The following ANO4 variants were observed in gnomAD, a reference collection of about 807,000 sequenced individuals.
The protein encoded by ANO4 is anoctamin-4.
ANO4 carries 69 observed loss-of-function variants against 141.9 expected under a neutral mutation model. That is an observed-to-expected ratio of 0.49 (90% CI 0.40 to 0.59). The LOEUF (loss-of-function observed/expected upper bound fraction) is 0.59. Ranked by LOEUF, ANO4 falls within the 20% of genes least tolerant of loss-of-function variation. The pLI is 0.00. For missense variants in ANO4, 894 were observed against 1,162.2 expected (o/e 0.77, Z 3.36); for synonymous variants, 350 against 394.3 (o/e 0.89, Z 1.33).
intron 10 of ANO4, chr12:101,038,630 G>A (rs1259697079): frequency 2.0e-5 from 3 of 152,218 alleles, no homozygotes; most frequent in Non-Finnish European, 4.4e-5. Context: ...CAAAAAGGCA[G>A]AAGGTCAGAT....
chr12:100,764,619 A>G (rs574027184), intron 3 of ANO4, among the ~76,000 whole-genome samples: 55 of 152,338 alleles, frequency 3.6e-4, no homozygotes, highest in African/African-American at 1.3e-3. Context: ...TGCATTCTCC[A>G]ATAAGAGTGT....
chr12:101,037,030 T>A, intron 9 of ANO4, 65 bp from the exon 10 acceptor site: 3 of 1,496,568 alleles, frequency 2.0e-6, no homozygotes, highest in Non-Finnish European at 2.8e-6. Flanking sequence ...ACACTTATAT[T>A]TGTTTTGAAC....
At chr12:100,807,825 A>G (rs1222574473) in intron 1 of ANO4, among the ~76,000 whole-genome samples, 1 of 152,092 alleles carries the variant, frequency 6.6e-6, no homozygotes, top group Non-Finnish European at 1.5e-5. Flanking sequence ...CTGTTCCTGC[A>G]TTAGTTTGCT....
intron 2 of ANO4, among the ~76,000 whole-genome samples, chr12:100,906,410 A>G (rs941153277): frequency 2.0e-5 from 3 of 152,202 alleles, no homozygotes; most frequent in African/African-American, 7.2e-5. Context: ...GAGAGGTGGT[A>G]AGAGAATGGA....
chr12:100,860,950 A>G (rs2038438435), intron 1 of ANO4, among the ~76,000 whole-genome samples: 1 of 152,172 alleles, frequency 6.6e-6, no homozygotes, highest in South Asian at 2.1e-4. Context: ...TACAGCTCTT[A>G]AAGATGGCAC....
intron 1 of ANO4, among the ~76,000 whole-genome samples, chr12:100,884,701 C>T (rs1442070343): frequency 1.3e-5 from 2 of 152,136 alleles, no homozygotes; most frequent in Middle Eastern, 3.4e-3. Flanking sequence ...TGTTTTATGG[C>T]CTTTGTTTTT....
intron 1 of ANO4, among the ~76,000 whole-genome samples, chr12:100,822,526 C>T (rs79345371): frequency 0.018 from 2,666 of 152,064 alleles, 78 homozygotes; most frequent in African/African-American, 0.06. Flanking sequence ...GCTGTACATA[C>T]ACACGCACAT....
intron 1 of ANO4, among the ~76,000 whole-genome samples, chr12:100,808,676 A>G (rs541761215): frequency 6.6e-6 from 1 of 152,330 alleles, no homozygotes; most frequent in East Asian, 1.9e-4. Flanking sequence ...TTGCAGAGGT[A>G]TTGAGGAGTG....
intron 3 of ANO4, among the ~76,000 whole-genome samples, chr12:100,766,664 A>G (rs1018570687): frequency 6.6e-6 from 1 of 152,166 alleles, no homozygotes; most frequent in Admixed American, 6.5e-5. Flanking sequence ...CTAATATGTG[A>G]TCTATCCTGA....
chr12:100,811,724 T>A (rs1281490905), intron 1 of ANO4, among the ~76,000 whole-genome samples: 1 of 152,206 alleles, frequency 6.6e-6, no homozygotes, highest in Non-Finnish European at 1.5e-5. Flanking sequence ...AACTGTACAG[T>A]AAACCATGCA....
At chr12:100,960,277 C>T (rs974043578) in intron 5 of ANO4, among the ~76,000 whole-genome samples, 17 of 151,896 alleles carry the variant, frequency 1.1e-4, no homozygotes, top group Admixed American at 2.6e-4. Flanking sequence ...CACACACACA[C>T]CCTATAAAGT....
upstream of ANO4, among the ~76,000 whole-genome samples, chr12:100,793,226 A>G (rs911979334): frequency 1.3e-5 from 2 of 152,236 alleles, no homozygotes; most frequent in Non-Finnish European, 2.9e-5. Context: ...ACTGAGGAGA[A>G]TAACAAAACA....
chr12:101,096,423 C>A (rs1170876866), intron 18 of ANO4, 113 bp from the exon 19 acceptor site: 1 of 765,494 alleles, frequency 1.3e-6, no homozygotes, highest in Non-Finnish European at 2.2e-6. Flanking sequence ...GAGTCTCCTG[C>A]AGCCTCCTCA....
intron 2 of ANO4, among the ~76,000 whole-genome samples, chr12:100,907,793 C>T (rs942175530): frequency 6.6e-6 from 1 of 152,180 alleles, no homozygotes; most frequent in African/African-American, 2.4e-5. Context: ...TACTCAACTT[C>T]TTTACCTTTG....
At chr12:101,098,484 G>A (rs2050070201) in intron 21 of ANO4, among the ~76,000 whole-genome samples, 1 of 152,160 alleles carries the variant, frequency 6.6e-6, no homozygotes, top group Admixed American at 6.6e-5. Context: ...TTCCATGTCA[G>A]CTCAATGTCT....
chr12:100,833,089 C>T (rs1199535532), intron 1 of ANO4, among the ~76,000 whole-genome samples: 1 of 152,044 alleles, frequency 6.6e-6, no homozygotes, highest in Admixed American at 6.6e-5. Context: ...ACTAGAACTT[C>T]CATATGGAAG....
At chr12:100,902,845 A>G (rs2076709300) in intron 2 of ANO4, among the ~76,000 whole-genome samples, 2 of 152,142 alleles carry the variant, frequency 1.3e-5, no homozygotes, top group African/African-American at 4.8e-5. Flanking sequence ...TCTTTGACCA[A>G]GCTCTTACCC....
intron 17 of ANO4, among the ~76,000 whole-genome samples, chr12:101,088,223 A>T (rs1158172419): frequency 6.6e-6 from 1 of 151,588 alleles, no homozygotes; most frequent in East Asian, 2.0e-4. Flanking sequence ...GACTTTTTTT[A>T]TTTGCTGTTC....
At chr12:100,804,318 A>G (rs2034870871) in intron 1 of ANO4, among the ~76,000 whole-genome samples, 1 of 152,198 alleles carries the variant, frequency 6.6e-6, no homozygotes, top group African/African-American at 2.4e-5. Context: ...TCCATGGTAT[A>G]TATATACGAC....
Sources: allele counts gnomAD v4.1 joint callset (sites outside exome capture counted in the v4.1 genomes callset), GRCh38; gene constraint gnomAD v4.1.1; transcripts MANE v1.5; gene names NCBI Gene and HGNC (gene_info 2026-07-23, HGNC 2026-07-21).